The following TRIM71 variants were observed in gnomAD, a reference collection of about 807,000 sequenced individuals.
The protein encoded by TRIM71 is E3 ubiquitin-protein ligase TRIM71.
A neutral mutation model predicts 61.2 loss-of-function variants in TRIM71; 9 were observed. That is an observed-to-expected ratio of 0.15 (90% CI 0.09 to 0.26). The LOEUF (loss-of-function observed/expected upper bound fraction) is 0.26. Among genes scored for constraint, TRIM71 ranks in the 10% least tolerant of loss-of-function variants. TRIM71 has a pLI of 1.00. For missense variants in TRIM71, 998 were observed against 1,238.7 expected, an observed-to-expected ratio of 0.81 and a Z score of 2.92; for synonymous variants, 645 against 553.2, an observed-to-expected ratio of 1.17 and a Z score of -2.33.
chr3:32,834,082 AG>A (rs892571163), intron 1 of TRIM71, among the ~76,000 whole-genome samples: 10 of 152,376 alleles, frequency 6.6e-5, no homozygotes, highest in African/African-American at 2.4e-4. Flanking sequence ...GAAAAACCAC[AG>A]CTCTGTTCAG....
chr3:32,856,127 C>T (rs192521132), intron 1 of TRIM71, among the ~76,000 whole-genome samples: 1 of 152,312 alleles, frequency 6.6e-6, no homozygotes, highest in Non-Finnish European at 1.5e-5. Flanking sequence ...ACACCGTTCT[C>T]CTGCCTCAGC....
intron 1 of TRIM71, among the ~76,000 whole-genome samples, chr3:32,824,621 C>T (rs1696180415): frequency 1.3e-5 from 2 of 152,152 alleles, no homozygotes; most frequent in South Asian, 2.1e-4. Flanking sequence ...GTAGCTGGGA[C>T]TACAGGCTCT....
chr3:32,831,508 A>G (rs1200633470), intron 1 of TRIM71, among the ~76,000 whole-genome samples: 1 of 149,064 alleles, frequency 6.7e-6, no homozygotes, highest in Non-Finnish European at 1.5e-5. Flanking sequence ...GTTTCTTTTC[A>G]TGAAATTAAA....
At chr3:32,829,417 A>G (rs1417254015) in intron 1 of TRIM71, among the ~76,000 whole-genome samples, 1 of 151,894 alleles carries the variant, frequency 6.6e-6, no homozygotes, top group Non-Finnish European at 1.5e-5. Flanking sequence ...CTCCAACCTC[A>G]GGTGATCTGC....
chr3:32,826,745 C>T (rs1399999255), intron 1 of TRIM71, among the ~76,000 whole-genome samples: 1 of 150,684 alleles, frequency 6.6e-6, no homozygotes, highest in Non-Finnish European at 1.5e-5. Context: ...CACACCCGGT[C>T]AGGTGAGTTT....
At chr3:32,888,756 T>G (rs572701702) in intron 3 of TRIM71, among the ~76,000 whole-genome samples, 1 of 152,258 alleles carries the variant, frequency 6.6e-6, no homozygotes, top group African/African-American at 2.4e-5. Flanking sequence ...GCCAGACTGG[T>G]TTTGAACTCC....
intron 1 of TRIM71, among the ~76,000 whole-genome samples, chr3:32,835,514 T>C (rs115399809): frequency 1.8e-3 from 268 of 152,330 alleles, no homozygotes; most frequent in Middle Eastern, 6.8e-3. Context: ...TTTAAATGTG[T>C]TTAAAAGATA....
chr3:32,847,401 G>T (rs1448495743), intron 1 of TRIM71, among the ~76,000 whole-genome samples: 1 of 152,040 alleles, frequency 6.6e-6, no homozygotes, highest in Non-Finnish European at 1.5e-5. Context: ...CTCCACGTTG[G>T]TCAGGCTGGT....
intron 1 of TRIM71, among the ~76,000 whole-genome samples, chr3:32,833,212 A>AAAAAAAAAAAAAAAAAAAG (rs1483988595): frequency 6.8e-6 from 1 of 147,520 alleles, no homozygotes; most frequent in Non-Finnish European, 1.5e-5. Context: ...AAAAAAAAAA[A>AAAAAAAAAAAAAAAAAAAG]GAGGCAGCTG....
Position 32,818,678 on chromosome 3 carries a change from A to G in TRIM71, c.598A>G (p.Ser200Gly). The G allele has an allele frequency of 6.4e-7, 1 of 1,555,506 alleles. No homozygotes were observed. Among genetic ancestry groups the G allele is most frequent in the Non-Finnish European group, 8.6e-7 (1 of 1,159,132 alleles). ...ALLLRRPHGCSSCDEGNAASS... is the reference protein window; with the variant it reads ...ALLLRRPHGCGSCDEGNAASS... ...GCTGCTCCGCCGTCCTCACGGCTGC[A>G]GCTCGTGCGATGAGGGCAACGCAGC... The change falls in exon 1 of 4, where the codon AGC becomes GGC. Residue 200 changes from serine to glycine, a missense_variant. Ser to Gly is a moderately conservative substitution (Grantham distance 56). Coordinates refer to ENST00000383763, the MANE Select transcript of TRIM71 (RefSeq NM_001039111.3).
chr3:32,872,228 C>T (rs1354527114), intron 1 of TRIM71, among the ~76,000 whole-genome samples: 3 of 152,176 alleles, frequency 2.0e-5, no homozygotes. Context: ...AGTAAAAACA[C>T]AATATCCTAA....
At chr3:32,841,593 GGGC>G (rs1696406541) in intron 1 of TRIM71, among the ~76,000 whole-genome samples, 2 of 152,126 alleles carry the variant, frequency 1.3e-5, no homozygotes, top group African/African-American at 2.4e-5. Context: ...ACTCCAGCGT[GGGC>G]CACGAGTGAG....
At chr3:32,828,022 A>ATAT (rs1696223649) in intron 1 of TRIM71, among the ~76,000 whole-genome samples, 3 of 152,288 alleles carry the variant, frequency 2.0e-5, no homozygotes, top group Admixed American at 2.0e-4. Context: ...TTGCTGCTAA[A>ATAT]TATAGATTGG....
intron 1 of TRIM71, among the ~76,000 whole-genome samples, chr3:32,831,354 G>T (rs1054541781): frequency 1.3e-5 from 2 of 152,070 alleles, no homozygotes; most frequent in African/African-American, 4.8e-5. Flanking sequence ...ACATCTTCCA[G>T]ACCTATTTGT....
intron 1 of TRIM71, among the ~76,000 whole-genome samples, chr3:32,848,064 A>C (rs1028572883): frequency 1.3e-5 from 2 of 152,176 alleles, no homozygotes; most frequent in Admixed American, 1.3e-4. Flanking sequence ...TTGGTATCCA[A>C]GGGGGTCCTG....
rs997126652 is a variant in TRIM71 at position 32,892,803 on chromosome 3, CAGAG to C, written c.*997_*1000del. 1.3e-5 allele frequency: 2 copies of C among 152,180 alleles called. No individual in the cohort carries two copies. Among genetic ancestry groups the C allele is most frequent in the Admixed American group, 6.5e-5 (1 of 15,284 alleles). 9.4% of individuals were successfully genotyped at this position (152,180 alleles called of 1,614,324 possible). A position where few individuals can be genotyped will look rare whatever the true frequency, so the allele number is the denominator to read the frequency against. On this transcript the variant is annotated 3_prime_UTR_variant, in exon 4 of 4. Transcript: ENST00000383763. ...GGAAAAAGGAAATTAACCTCGTTCT[CAGAG>C]AGAGGGTTTTCAGGCATGGGCTGAC...
intron 1 of TRIM71, among the ~76,000 whole-genome samples, chr3:32,855,056 C>T (rs1696580588): frequency 6.6e-6 from 1 of 152,134 alleles, no homozygotes; most frequent in African/African-American, 2.4e-5. Context: ...TGTTGTTACT[C>T]TTCTTACTGT....
At chr3:32,874,072 C>A (rs1696826399) in intron 2 of TRIM71, 87 bp downstream of exon 2, 2 of 1,413,362 alleles carry the variant, frequency 1.4e-6, no homozygotes, top group Non-Finnish European at 1.9e-6. Context: ...TGGGCAGATT[C>A]CAGTGTGGGG....
At chr3:32,870,096 C>T (rs1355732288) in intron 1 of TRIM71, among the ~76,000 whole-genome samples, 1 of 152,174 alleles carries the variant, frequency 6.6e-6, no homozygotes, top group Non-Finnish European at 1.5e-5. Context: ...TACATCCATG[C>T]ACATCCTTAC....
Sources: allele counts gnomAD v4.1 joint callset (sites outside exome capture counted in the v4.1 genomes callset), GRCh38; gene constraint gnomAD v4.1.1; transcripts MANE v1.5; gene names NCBI Gene and HGNC (gene_info 2026-07-23, HGNC 2026-07-21).